PCNX2: variants seen among roughly 807,000 people sequenced by gnomAD.
PCNX2 encodes the protein pecanex-like protein 2.
In PCNX2, 168 loss-of-function variants were observed where a neutral mutation model predicts 223.8. The ratio of observed to expected loss-of-function variants is 0.75; its 90% confidence interval spans 0.66 to 0.85. PCNX2 has a LOEUF of 0.85. Ranked by LOEUF, PCNX2 falls within the 40% of genes least tolerant of loss-of-function variation. The pLI is 0.00. For synonymous variants in PCNX2, 1,006 were observed against 1,052.6 expected (o/e 0.96, Z 0.86); for missense variants, 2,507 against 2,675.5 (o/e 0.94, Z 1.39).
chr1:233,147,843 A>G (rs910236854), intron 19 of PCNX2, among the ~76,000 whole-genome samples: 5 of 152,216 alleles, frequency 3.3e-5, no homozygotes, highest in Non-Finnish European at 5.9e-5. Flanking sequence ...CTGAATCTCT[A>G]CTTAGAAGCA....
intron 7 of PCNX2, 114 bp from the exon 8 acceptor site, chr1:233,250,946 C>T: frequency 8.8e-7 from 1 of 1,138,240 alleles, no homozygotes; most frequent in Admixed American, 2.9e-5. Context: ...GTTATAATAA[C>T]TGTTGACAAT....
At chr1:233,034,424 C>A (rs1379630665) in intron 25 of PCNX2, among the ~76,000 whole-genome samples, 3 of 152,190 alleles carry the variant, frequency 2.0e-5, no homozygotes, top group African/African-American at 7.2e-5. Flanking sequence ...GGCACCTGAT[C>A]TTGGGCTTCC....
chr1:233,116,745 C>A (rs547929517), intron 21 of PCNX2, among the ~76,000 whole-genome samples: 2 of 151,380 alleles, frequency 1.3e-5, no homozygotes, highest in African/African-American at 2.4e-5. Context: ...AAGAGCCCCC[C>A]CAAAAAGAAG....
chr1:233,147,496 C>T (rs566442743), intron 19 of PCNX2, among the ~76,000 whole-genome samples: 1 of 151,684 alleles, frequency 6.6e-6, no homozygotes, highest in Admixed American at 6.6e-5. Flanking sequence ...GGTAGTCCTG[C>T]TGGCTCAGGG....
In PCNX2 at chr1:233,257,415, G is replaced by C. The variant is rs575949141; in HGVS notation, c.1834+613C>G. ...ATCTAAACTGGGGACTCTTTTGAGAGACAAAGTCAGTGCTCTTAATAATTA... is the reference window on the plus strand; with the variant it reads ...ATCTAAACTGGGGACTCTTTTGAGACACAAAGTCAGTGCTCTTAATAATTA... On this transcript the variant is annotated intron_variant, in intron 5 of 33. Transcript: ENST00000258229. 8.5e-5 allele frequency among the ~76,000 whole-genome samples: 13 copies of C among 152,296 alleles called. No individual in the cohort carries two copies. The South Asian group carries it at 2.7e-3, about 32-fold the overall frequency.
chr1:233,266,881 GACA>G (rs1660357276), intron 1 of PCNX2, among the ~76,000 whole-genome samples: 1 of 152,084 alleles, frequency 6.6e-6, no homozygotes, highest in Admixed American at 6.5e-5. Context: ...AAGGTTTTAT[GACA>G]ACATTTCATG....
intron 15 of PCNX2, among the ~76,000 whole-genome samples, chr1:233,185,122 CACACACACAT>C (rs1680021310): frequency 7.1e-6 from 1 of 139,868 alleles, no homozygotes; most frequent in Non-Finnish European, 1.6e-5. Context: ...CACACACACA[CACACACACAT>C]CCCTCAGATT....
intron 1 of PCNX2, among the ~76,000 whole-genome samples, chr1:233,270,466 A>C (rs1227580247): frequency 1.3e-5 from 2 of 152,186 alleles, no homozygotes; most frequent in Non-Finnish European, 2.9e-5. Context: ...CCTGACATAC[A>C]GGAACCTGCC....
chr1:233,014,572 G>C (rs1019412626), intron 28 of PCNX2, 93 bp downstream of exon 28: 2 of 957,372 alleles, frequency 2.1e-6, no homozygotes, highest in Non-Finnish European at 1.6e-6. Context: ...AATAAGTCCA[G>C]CTTCAAAATA....
chr1:233,060,282 T>A (rs1672356884), intron 23 of PCNX2, among the ~76,000 whole-genome samples: 1 of 152,186 alleles, frequency 6.6e-6, no homozygotes, highest in African/African-American at 2.4e-5. Flanking sequence ...GAATTTTAAT[T>A]TCACCTTAAG....
At chr1:233,200,870 A>C (rs1681045938) in intron 13 of PCNX2, among the ~76,000 whole-genome samples, 2 of 151,544 alleles carry the variant, frequency 1.3e-5, no homozygotes, top group Admixed American at 1.3e-4. Flanking sequence ...AAAAAAAAAT[A>C]CAAAAATTAG....
chr1:233,259,899 C>G (rs1423528054), intron 4 of PCNX2: 1 of 791,978 alleles, frequency 1.3e-6, no homozygotes, highest in Admixed American at 6.3e-5. Context: ...AAAAGCAATA[C>G]AGTATAACAA....
In PCNX2 at chr1:233,067,365, CAAAAAAAAAAAAAAAAAAAAAAAA is replaced by C. The variant is rs750823791; in HGVS notation, c.4077-10099_4077-10076del. ...AATAAATGAAAAAATAGAGCTTCAG[CAAAAAAAAAAAAAAAAAAAAAAAA>C]AAAAAAAAAAAAAAAGCAAGACTTG... On this transcript the variant is annotated intron_variant, in intron 23 of 33. Coordinates refer to ENST00000258229, the MANE Select transcript of PCNX2 (RefSeq NM_014801.4). Among the ~76,000 whole-genome samples, 7 of 3,890 alleles carry C rather than the reference CAAAAAAAAAAAAAAAAAAAAAAAA, an allele frequency of 1.8e-3. No individual in the cohort carries two copies. In the South Asian group the frequency reaches 0.054, roughly 30 times the overall value. The allele number at this position is 3,890 out of a possible 152,430, so 2.6% of individuals were successfully genotyped here.
intron 13 of PCNX2, among the ~76,000 whole-genome samples, chr1:233,205,047 G>A (rs976368111): frequency 2.0e-5 from 3 of 152,102 alleles, no homozygotes. Flanking sequence ...AGACATTAAG[G>A]TCTTATTTTT....
At chr1:233,288,804 C>CGTT (rs1661588195) in intron 1 of PCNX2, 1 of 389,494 alleles carries the variant, frequency 2.6e-6, no homozygotes, top group Non-Finnish European at 4.4e-6. Context: ...GAAAGATGCC[C>CGTT]TTTTTTTTTT....
At chr1:233,303,494 G>A in the PCNX2 span, among the ~76,000 whole-genome samples, 54 of 152,072 alleles carry the variant, frequency 3.6e-4, no homozygotes, top group African/African-American at 1.2e-3. Flanking sequence ...CAGCTTGGGC[G>A]AAAAAGTGGG....
chr1:233,250,949 T>C, intron 7 of PCNX2, 117 bp from the exon 8 acceptor site: 2 of 1,093,240 alleles, frequency 1.8e-6, no homozygotes, highest in South Asian at 1.8e-5. Context: ...ATAATAACTG[T>C]TGACAATCGG....
At chr1:233,256,292 CAT>C (rs531839772) in intron 5 of PCNX2, among the ~76,000 whole-genome samples, 52 of 152,304 alleles carry the variant, frequency 3.4e-4, no homozygotes, top group Admixed American at 3.1e-3. Context: ...AAATTTTTCA[CAT>C]ATTTTCCTAA....
At chr1:233,298,868 C>T (rs560966352), upstream of PCNX2, among the ~76,000 whole-genome samples, 20 of 151,742 alleles carry the variant, frequency 1.3e-4, no homozygotes, top group Admixed American at 2.6e-4. Context: ...GGTGACAGAG[C>T]GAGACTGCAT....
Sources: allele counts gnomAD v4.1 joint callset (sites outside exome capture counted in the v4.1 genomes callset), GRCh38; gene constraint gnomAD v4.1.1; transcripts MANE v1.5; gene names NCBI Gene and HGNC (gene_info 2026-07-23, HGNC 2026-07-21).